The following PDCD10 variants were observed in gnomAD, a reference collection of about 807,000 sequenced individuals.
PDCD10 encodes the protein programmed cell death protein 10.
PDCD10 carries 4 observed loss-of-function variants against 29.2 expected under a neutral mutation model. That is an observed-to-expected ratio of 0.14 (90% CI 0.07 to 0.31). The LOEUF (loss-of-function observed/expected upper bound fraction) is 0.31, where lower values mean the gene tolerates loss of function less well. Ranked by LOEUF, PDCD10 falls within the 10% of genes least tolerant of loss-of-function variation. The probability of loss-of-function intolerance (pLI) is 1.00; values close to 1 mark genes in which losing one functional copy is unlikely to be tolerated. For synonymous variants in PDCD10, 70 were observed against 82.2 expected (o/e 0.85, Z 0.80); for missense variants, 183 against 257.9 (o/e 0.71, Z 1.99).
intron 3 of PDCD10, among the ~76,000 whole-genome samples, chr3:167,710,820 C>T (rs778191673): frequency 9.9e-5 from 15 of 152,170 alleles, no homozygotes; most frequent in Non-Finnish European, 1.8e-4. Flanking sequence ...GGTGTCACCC[C>T]TCCCCCAGCT....
At chr3:167,725,636 G>A (rs1724037017) in intron 2 of PDCD10, among the ~76,000 whole-genome samples, 1 of 151,412 alleles carries the variant, frequency 6.6e-6, no homozygotes, top group East Asian at 1.9e-4. Flanking sequence ...ATAAAGTTAA[G>A]TGGAACCTAA....
At chr3:167,718,825 T>A (rs528507697) in intron 3 of PDCD10, among the ~76,000 whole-genome samples, 4 of 151,802 alleles carry the variant, frequency 2.6e-5, no homozygotes, top group Admixed American at 2.0e-4. Flanking sequence ...AGAACTTGAG[T>A]TTCTCATACT....
chr3:167,728,381 T>C (rs774861348), intron 2 of PDCD10, among the ~76,000 whole-genome samples: 1 of 152,128 alleles, frequency 6.6e-6, no homozygotes, highest in Non-Finnish European at 1.5e-5. Flanking sequence ...TGTAGTAACC[T>C]TATATAAGTC....
At chr3:167,686,236 T>G (rs891729831) in intron 8 of PDCD10, among the ~76,000 whole-genome samples, 1 of 152,192 alleles carries the variant, frequency 6.6e-6, no homozygotes, top group African/African-American at 2.4e-5. Context: ...CGTATGCATG[T>G]ATGTATGTTA....
chr3:167,717,591 TTA>T (rs1217431043), intron 3 of PDCD10, among the ~76,000 whole-genome samples: 1 of 148,400 alleles, frequency 6.7e-6, no homozygotes, highest in African/African-American at 2.6e-5. Flanking sequence ...TATTTATATG[TTA>T]TGTTAACAAA....
At chr3:167,697,165 G>A in intron 4 of PDCD10, 39 bp from the exon 5 acceptor site, 2 of 1,097,860 alleles carry the variant, frequency 1.8e-6, no homozygotes, top group Non-Finnish European at 2.8e-6. Flanking sequence ...ATACAGATAA[G>A]GAATCAACAT....
At chr3:167,707,924 T>C (rs1239103351) in intron 3 of PDCD10, among the ~76,000 whole-genome samples, 1 of 152,074 alleles carries the variant, frequency 6.6e-6, no homozygotes, top group African/African-American at 2.4e-5. Flanking sequence ...AAAAGGTTTG[T>C]AACATACTTC....
chr3:167,704,094 T>C (rs935208977), intron 4 of PDCD10, among the ~76,000 whole-genome samples: 9 of 152,226 alleles, frequency 5.9e-5, no homozygotes, highest in African/African-American at 2.2e-4. Flanking sequence ...CTTAACTGTA[T>C]ATCCTCAAAG....
At chr3:167,688,559 C>T (rs1719890695) in intron 6 of PDCD10, among the ~76,000 whole-genome samples, 1 of 152,140 alleles carries the variant, frequency 6.6e-6, no homozygotes, top group Non-Finnish European at 1.5e-5. Context: ...TAACTAGCCC[C>T]TTTTGATTTC....
At chr3:167,699,784 T>C (rs1188268753) in intron 4 of PDCD10, among the ~76,000 whole-genome samples, 1 of 152,218 alleles carries the variant, frequency 6.6e-6, no homozygotes, top group East Asian at 1.9e-4. Context: ...TAGCTGACCC[T>C]TGAAGAACTG....
At chr3:167,719,358 A>G (rs951700535) in intron 3 of PDCD10, among the ~76,000 whole-genome samples, 6 of 152,148 alleles carry the variant, frequency 3.9e-5, no homozygotes, top group Admixed American at 3.3e-4. Flanking sequence ...ATAATTTCAC[A>G]TATCAGGGCC....
chr3:167,708,077 T>C (rs1053518227), intron 3 of PDCD10, among the ~76,000 whole-genome samples: 1 of 152,184 alleles, frequency 6.6e-6, no homozygotes, highest in African/African-American at 2.4e-5. Flanking sequence ...TTATTGTTGA[T>C]AGCCTTTAAG....
At chr3:167,717,912 A>T (rs1398332128) in intron 3 of PDCD10, among the ~76,000 whole-genome samples, 3 of 152,124 alleles carry the variant, frequency 2.0e-5, no homozygotes, top group Admixed American at 6.6e-5. Context: ...ACCTTTTCTA[A>T]TTTCTCTTCA....
At chr3:167,702,580 T>G (rs1340007038) in intron 4 of PDCD10, among the ~76,000 whole-genome samples, 1 of 152,088 alleles carries the variant, frequency 6.6e-6, no homozygotes, top group East Asian at 1.9e-4. Flanking sequence ...CTCCACACTG[T>G]TCAAAGGTTA....
At chr3:167,700,556 T>C (rs1285831973) in intron 4 of PDCD10, among the ~76,000 whole-genome samples, 1 of 152,166 alleles carries the variant, frequency 6.6e-6, no homozygotes, top group African/African-American at 2.4e-5. Flanking sequence ...AAACCTTGCA[T>C]GTTTTGTGAA....
At chr3:167,700,219 C>T (rs189471466) in intron 4 of PDCD10, among the ~76,000 whole-genome samples, 35 of 152,258 alleles carry the variant, frequency 2.3e-4, no homozygotes, top group East Asian at 1.5e-3. Flanking sequence ...ATGATTAAAA[C>T]GCCATGTGAC....
At chr3:167,719,600 A>T (rs1376379857) in intron 3 of PDCD10, among the ~76,000 whole-genome samples, 1 of 152,142 alleles carries the variant, frequency 6.6e-6, no homozygotes, top group African/African-American at 2.4e-5. Flanking sequence ...CTGACAATAT[A>T]ATTAAGATCT....
At chr3:167,708,686 T>C (rs1722239443) in intron 3 of PDCD10, among the ~76,000 whole-genome samples, 1 of 152,190 alleles carries the variant, frequency 6.6e-6, no homozygotes, top group Non-Finnish European at 1.5e-5. Flanking sequence ...CAGAGAAAGA[T>C]TTGTCCATGT....
At chr3:167,685,396 CAAA>C (rs1184281849) in intron 8 of PDCD10, among the ~76,000 whole-genome samples, 67 of 55,956 alleles carry the variant, frequency 1.2e-3, no homozygotes, top group African/African-American at 3.4e-3. Context: ...ACTCTGTCTC[CAAA>C]AAAAAAAAAA....
Sources: gnomAD v4.1 joint callset for allele counts (sites outside exome capture counted in the v4.1 genomes callset) on GRCh38, gnomAD v4.1.1 for gene constraint, MANE v1.5 for transcripts, NCBI Gene and HGNC (gene_info 2026-07-23, HGNC 2026-07-21) for gene names.